Variants in CCNA1 observed in about 807,000 individuals in gnomAD.
CCNA1 encodes the protein cyclin A1.
A neutral mutation model predicts 54.1 loss-of-function variants in CCNA1; 23 were observed. The observed-to-expected ratio is 0.42, with a 90% CI of 0.31 to 0.60. The LOEUF (loss-of-function observed/expected upper bound fraction) is 0.60, where lower values mean the gene tolerates loss of function less well. CCNA1 is among the 20% of genes least tolerant of loss of function. CCNA1 has a pLI of 0.14. For synonymous variants in CCNA1, 208 were observed against 213.9 expected (o/e 0.97, Z 0.24); for missense variants, 450 against 556.7 (o/e 0.81, Z 1.93).
chr13:36,432,184 G>C (rs1290915316), upstream of CCNA1: 1 of 160,662 alleles, frequency 6.2e-6, no homozygotes, highest in East Asian at 1.9e-4. Context: ...GGTCGCCATG[G>C]CGATGCGGCC....
intron 2 of CCNA1, among the ~76,000 whole-genome samples, chr13:36,435,447 C>A (rs763717606): frequency 6.6e-6 from 1 of 152,212 alleles, no homozygotes; most frequent in African/African-American, 2.4e-5. Context: ...AATTCATAGT[C>A]TTTTCCTTCC....
intron 7 of CCNA1, among the ~76,000 whole-genome samples, chr13:36,441,943 T>A (rs1488600678): frequency 6.6e-6 from 1 of 152,132 alleles, no homozygotes; most frequent in Non-Finnish European, 1.5e-5. Flanking sequence ...AAGGAAAAAG[T>A]GATCCAGCCC....
intron 2 of CCNA1, among the ~76,000 whole-genome samples, 186 bp downstream of exon 2, chr13:36,433,407 TTTCTTTCTTTCTTTC>T (rs2055749036): frequency 8.6e-6 from 1 of 116,120 alleles, no homozygotes; most frequent in African/African-American, 3.3e-5. Context: ...TCTTTCTTTC[TTTCTTTCTTTCTTTC>T]TTTCTTTCTT....
intron 2 of CCNA1, among the ~76,000 whole-genome samples, chr13:36,434,835 C>CG (rs72175099): frequency 1.4e-5 from 2 of 145,178 alleles, no homozygotes; most frequent in South Asian, 2.2e-4. Flanking sequence ...TGCCCCCCCC[C>CG]CCGCGCCATG....
intron 2 of CCNA1, among the ~76,000 whole-genome samples, chr13:36,433,458 CT>C (rs1172793036): frequency 0.012 from 931 of 77,128 alleles, 31 homozygotes; most frequent in Non-Finnish European, 0.017. Context: ...TTCTTTCTTT[CT>C]TTTCTTTCTC....
At position 36,438,047 on chromosome 13, in the gene CCNA1, A is replaced by C; in HGVS notation, c.545-20A>C. 6.2e-7 allele frequency: 1 copy of C among 1,608,424 alleles called. No homozygotes were observed. Among genetic ancestry groups the C allele is most frequent in the Non-Finnish European group, 8.5e-7 (1 of 1,178,114 alleles). ...ATGTTTAAATTAAATGAGTTATCTGACAGTGTTGAACTCTTGCAGTTTCCC... is the reference window on the plus strand; with the variant it reads ...ATGTTTAAATTAAATGAGTTATCTGCCAGTGTTGAACTCTTGCAGTTTCCC... On this transcript the variant is annotated intron_variant, in intron 3 of 8. Transcript: ENST00000255465.
chr13:36,441,349 G>C (rs1264433599), intron 7 of CCNA1, 118 bp downstream of exon 7: 2 of 609,674 alleles, frequency 3.3e-6, no homozygotes, highest in African/African-American at 3.7e-5. Context: ...ACCACAACAT[G>C]CCACTGAGTC....
rs1342139813 is a variant in CCNA1 at position 36,433,402 on chromosome 13, C to CTTTA, written c.297+184_297+185insATTT. Among the ~76,000 whole-genome samples the CTTTA allele has an allele frequency of 3.8e-5, 4 of 106,102 alleles. 1 individual carries two copies. Among genetic ancestry groups the CTTTA allele is most frequent in the African/African-American group, 1.2e-4 (3 of 26,044 alleles). The allele number at this position is 106,102 out of a possible 152,430, so 69.6% of individuals were successfully genotyped here. A position where few individuals can be genotyped will look rare whatever the true frequency, so the allele number is the denominator to read the frequency against. ...TCTTTCTTTCTTTCTTTCTTTCTTTCTTTCTTTCTTTCTTTCTTTCTTTCT... is the reference window on the plus strand; with the variant it reads ...TCTTTCTTTCTTTCTTTCTTTCTTTCTTTATTTCTTTCTTTCTTTCTTTCTTTCT... On this transcript the variant is annotated intron_variant, in intron 2 of 8. Transcript: ENST00000255465.
intron 6 of CCNA1, 138 bp downstream of exon 6, chr13:36,440,321 AAG>A: frequency 1.3e-6 from 1 of 750,352 alleles, no homozygotes; most frequent in Non-Finnish European, 2.2e-6. Context: ...AGTGCTGAAA[AAG>A]AGCTAATTTT....
Position 36,433,195 on chromosome 13 carries a change from G to A in CCNA1, c.271G>A (p.Gly91Arg), listed in dbSNP as rs746557549. The change falls in exon 2 of 9, where the codon GGG becomes AGG. Residue 91 changes from glycine to arginine, a missense_variant. Gly to Arg is a moderately radical substitution (Grantham distance 125). Coordinates refer to ENST00000255465, the MANE Select transcript of CCNA1 (RefSeq NM_003914.4). ...AGTGCTAGGGCTGCTAACTGCAAAT[G>A]GGCAGTACAGGAGGACCTGTGGCCA... The A allele has an allele frequency of 3.7e-6, 6 of 1,613,610 alleles. No individual in the cohort carries two copies. In the Admixed American group the frequency reaches 5.0e-5, roughly 13 times the overall value.
At position 36,438,670 on chromosome 13, in the gene CCNA1, C is replaced by T. The variant is rs763840829; in HGVS notation, c.696C>T (p.Tyr232=). Residue 232 remains tyrosine, a synonymous_variant, in exon 5 of 9, where the codon TAC becomes TAT. Transcript: ENST00000255465. ...TAAGGCACAGACCCAAAGCACACTA[C>T]ATGAAGAAGCAGCCAGACATCACGG... is the stretch of plus-strand genomic sequence containing the variant. 6.2e-6 allele frequency: 10 copies of T among 1,613,846 alleles called. No individual in the cohort carries two copies. The highest frequency in any genetic ancestry group is 2.7e-5 in the African/African-American group (2 of 74,914).
intron 4 of CCNA1, 111 bp downstream of exon 4, chr13:36,438,302 T>G: frequency 4.4e-6 from 4 of 903,996 alleles, no homozygotes; most frequent in Non-Finnish European, 6.8e-6. Context: ...TTATGCCAGC[T>G]AAACATAAGA....
intron 2 of CCNA1, among the ~76,000 whole-genome samples, chr13:36,435,326 C>T (rs1271827101): frequency 6.6e-6 from 1 of 152,218 alleles, no homozygotes; most frequent in African/African-American, 2.4e-5. Flanking sequence ...GTCATGTTCA[C>T]TGTTGTGTGT....
At chr13:36,438,264 G>T (rs185033021) in intron 4 of CCNA1, 73 bp downstream of exon 4, 176 of 1,373,752 alleles carry the variant, frequency 1.3e-4, no homozygotes, top group Non-Finnish European at 1.5e-4. Flanking sequence ...ATAAACTCTT[G>T]GTCCATAACC....
At chr13:36,431,905 G>A (rs1055483382), upstream of CCNA1, 1 of 152,656 alleles carries the variant, frequency 6.6e-6, no homozygotes, top group African/African-American at 2.4e-5. Context: ...CCGCGCAGGA[G>A]ACGTTAGAGG....
At chr13:36,434,115 G>A (rs61950304) in intron 2 of CCNA1, among the ~76,000 whole-genome samples, 31,827 of 152,108 alleles carry the variant, frequency 0.21, 3,725 homozygotes, top group Non-Finnish European at 0.26. Flanking sequence ...ATTGCGGATA[G>A]TGTTAAAATC....
chr13:36,432,793 C>G, intron 1 of CCNA1, 64 bp downstream of exon 1: 1 of 1,171,330 alleles, frequency 8.5e-7, no homozygotes, highest in Non-Finnish European at 1.3e-6. Flanking sequence ...TCCAGCCCAA[C>G]ACGAAGTCTT....
chr13:36,437,524 A>G, intron 2 of CCNA1, 105 bp from the exon 3 acceptor site: 1 of 1,099,408 alleles, frequency 9.1e-7, no homozygotes, highest in Admixed American at 2.3e-5. Flanking sequence ...TTTTCAGTTT[A>G]GAATGTATCT....
chr13:36,439,734 G>A lies in CCNA1; in HGVS notation c.894-245G>A, dbSNP rs1593325819. 5.9e-5 allele frequency among the ~76,000 whole-genome samples: 9 copies of A among 152,076 alleles called. No homozygotes were observed. In the South Asian group the frequency reaches 1.9e-3, roughly 32 times the overall value. ...TCACAGGCCCAAACCTAAAATTCTT[G>A]GTTGGAAATTGTTTCTGTTACTACT... On this transcript the variant is annotated intron_variant, in intron 5 of 8. Coordinates refer to ENST00000255465, the MANE Select transcript of CCNA1 (RefSeq NM_003914.4).
Sources: allele counts gnomAD v4.1 joint callset (sites outside exome capture counted in the v4.1 genomes callset), GRCh38; gene constraint gnomAD v4.1.1; transcripts MANE v1.5; gene names NCBI Gene and HGNC (gene_info 2026-07-23, HGNC 2026-07-21).